BTG4: variants seen among roughly 807,000 people sequenced by gnomAD.
The protein encoded by BTG4 is protein BTG4.
BTG4 carries 10 observed loss-of-function variants against 19.3 expected under a neutral mutation model. The observed-to-expected ratio is 0.52, with a 90% confidence interval of 0.32 to 0.88. BTG4 has a LOEUF of 0.88. BTG4 is among the 40% of genes least tolerant of loss of function. The pLI is 0.04. For synonymous variants in BTG4, 91 were observed against 95.7 expected, an observed-to-expected ratio of 0.95 and a Z score of 0.29; for missense variants, 238 against 281.9, an observed-to-expected ratio of 0.84 and a Z score of 1.11.
chr11:111,453,888 GGTATTTATT>G, the BTG4 span, among the ~76,000 whole-genome samples: 1 of 152,176 alleles, frequency 6.6e-6, no homozygotes, highest in Non-Finnish European at 1.5e-5. Context: ...AGTTGCAGAA[GGTATTTATT>G]GTATGTCACA....
At chr11:111,477,610 G>C (rs941852838) in intron 5 of BTG4, among the ~76,000 whole-genome samples, 2 of 152,050 alleles carry the variant, frequency 1.3e-5, no homozygotes, top group African/African-American at 4.8e-5. Flanking sequence ...GAAAGGTGTA[G>C]AGAAGAAGGC....
the BTG4 span, among the ~76,000 whole-genome samples, chr11:111,437,006 A>G: frequency 6.6e-6 from 1 of 152,210 alleles, no homozygotes; most frequent in Admixed American, 6.5e-5. Flanking sequence ...GCAGGTGAAC[A>G]GCCCTGTCTG....
chr11:111,438,868 T>C, the BTG4 span, among the ~76,000 whole-genome samples: 1 of 152,224 alleles, frequency 6.6e-6, no homozygotes, highest in Non-Finnish European at 1.5e-5. Context: ...GTCTTAGGTT[T>C]CCATTTATAC....
intron 1 of BTG4, among the ~76,000 whole-genome samples, chr11:111,501,365 C>G (rs1049604200): frequency 6.6e-6 from 1 of 151,952 alleles, no homozygotes; most frequent in Non-Finnish European, 1.5e-5. Context: ...AGCAAAGACC[C>G]TCTCTCAAAA....
chr11:111,471,827 C>T lies in BTG4; in HGVS notation c.663-4146G>A, dbSNP rs533181612. 4.6e-5 allele frequency among the ~76,000 whole-genome samples: 7 copies of T among 152,316 alleles called. No homozygotes were observed. In the East Asian group the frequency reaches 7.7e-4, roughly 17 times the overall value. On this transcript the variant is annotated intron_variant, in intron 5 of 5. Transcript: ENST00000356018. ...ACGCAATTTTTAATTTCTTTCCAAA[C>T]CTGCTCCACTCAAAACCTTCCCCCA... is the stretch of plus-strand genomic sequence containing the variant.
At position 111,495,172 on chromosome 11, in the gene BTG4, C is replaced by T. The variant is rs544902747; in HGVS notation, c.653G>A (p.Arg218Gln). The T allele has an allele frequency of 3.3e-5, 52 of 1,592,560 alleles. No homozygotes were observed. The highest frequency in any genetic ancestry group is 1.7e-4 in the Middle Eastern group (1 of 5,982). The change falls in exon 5 of 5, where the codon CGG becomes CAG. Residue 218 changes from arginine (R) to glutamine (Q), a missense_variant. Transcript: ENST00000692032. ...HPKCYRPAMH[R>Q]LDRYHWVNTH... is the part of the protein sequence containing the mutation. Reference sequence around the variant, plus strand: ...GTTGACCCAGTGGTACCTGTCCAGCCGGTGCATAGCAGGCCTGTAACACTT... The same window carrying T: ...GTTGACCCAGTGGTACCTGTCCAGCTGGTGCATAGCAGGCCTGTAACACTT...
chr11:111,418,570 G>T, the BTG4 span, among the ~76,000 whole-genome samples: 1 of 152,196 alleles, frequency 6.6e-6, no homozygotes, highest in Admixed American at 6.5e-5. Flanking sequence ...CAACGATGCT[G>T]GGTGACATGG....
At chr11:111,482,337 T>G (rs988422693) in intron 5 of BTG4, among the ~76,000 whole-genome samples, 48 of 152,172 alleles carry the variant, frequency 3.2e-4, no homozygotes, top group African/African-American at 1.1e-3. Context: ...ACATATTGTG[T>G]TCATAAATTG....
intron 5 of BTG4, among the ~76,000 whole-genome samples, chr11:111,481,147 G>A (rs1864717052): frequency 6.6e-6 from 1 of 151,694 alleles, no homozygotes; most frequent in South Asian, 2.1e-4. Context: ...GGATAATAAG[G>A]AAACACTATA....
chr11:111,393,873 G>A, the BTG4 span, among the ~76,000 whole-genome samples: 1 of 152,170 alleles, frequency 6.6e-6, no homozygotes, highest in Admixed American at 6.5e-5. Context: ...AAACTCCATA[G>A]CAAACAGCAA....
chr11:111,450,241 G>T, the BTG4 span: 1 of 152,220 alleles, frequency 6.6e-6, no homozygotes, highest in Non-Finnish European at 1.5e-5. Context: ...CTCAGACACA[G>T]CTCAGGGAAG....
chr11:111,389,227 T>G, the BTG4 span, among the ~76,000 whole-genome samples: 13 of 152,040 alleles, frequency 8.6e-5, no homozygotes, highest in Non-Finnish European at 1.6e-4. Context: ...GGTGGGAAAG[T>G]AACTTGAATA....
chr11:111,395,970 C>A, the BTG4 span, among the ~76,000 whole-genome samples: 1 of 152,236 alleles, frequency 6.6e-6, no homozygotes, highest in South Asian at 2.1e-4. Flanking sequence ...GCCCCGGAGG[C>A]ATGCCTGCCT....
the BTG4 span, among the ~76,000 whole-genome samples, chr11:111,433,383 C>T: frequency 6.6e-6 from 1 of 150,752 alleles, no homozygotes; most frequent in Non-Finnish European, 1.5e-5. Context: ...CCCTTCCTTA[C>T]ACCTTACAAA....
intron 4 of BTG4, 44 bp from the exon 5 acceptor site, chr11:111,495,358 G>T (rs1248555409): frequency 2.0e-6 from 3 of 1,514,606 alleles, no homozygotes; most frequent in Non-Finnish European, 2.7e-6. Context: ...CTAGCTGTAA[G>T]GACTAAATAT....
upstream of BTG4, chr11:111,514,707 T>C (rs1006580009): frequency 5.7e-6 from 6 of 1,060,946 alleles, no homozygotes; most frequent in South Asian, 3.0e-5. Flanking sequence ...GGTACCAACT[T>C]GGCGGTTCTC....
intron 1 of BTG4, among the ~76,000 whole-genome samples, chr11:111,508,971 T>A (rs1416205093): frequency 2.6e-5 from 4 of 152,064 alleles, no homozygotes; most frequent in Non-Finnish European, 5.9e-5. Flanking sequence ...ACTGAAGCCA[T>A]ACCTAAGAGC....
At chr11:111,426,822 C>T in the BTG4 span, among the ~76,000 whole-genome samples, 5 of 152,162 alleles carry the variant, frequency 3.3e-5, no homozygotes, top group Non-Finnish European at 5.9e-5. Flanking sequence ...GCTCCCAGGC[C>T]GGTGTGGGAA....
At chr11:111,401,282 C>T in the BTG4 span, among the ~76,000 whole-genome samples, 3 of 151,868 alleles carry the variant, frequency 2.0e-5, no homozygotes, top group African/African-American at 4.8e-5. Flanking sequence ...GTCAGGAGAT[C>T]GAGACCATCC....
Sources: allele counts gnomAD v4.1 joint callset (sites outside exome capture counted in the v4.1 genomes callset), GRCh38; gene constraint gnomAD v4.1.1; transcripts MANE v1.5; gene names NCBI Gene and HGNC (gene_info 2026-07-23, HGNC 2026-07-21).